Variants in GRPR observed in about 807,000 individuals in gnomAD.
The protein encoded by GRPR is gastrin-releasing peptide receptor.
A neutral mutation model predicts 15.6 loss-of-function variants in GRPR; 4 were observed. That is an observed-to-expected ratio of 0.26 (90% CI 0.13 to 0.59). The LOEUF (loss-of-function observed/expected upper bound fraction) is 0.59. Among genes scored for constraint, GRPR ranks in the 20% least tolerant of loss-of-function variants. GRPR has a pLI of 0.90. For missense variants in GRPR, 270 were observed against 304.1 expected, an observed-to-expected ratio of 0.89 and a Z score of 0.83; for synonymous variants, 128 against 126.8, an observed-to-expected ratio of 1.01 and a Z score of -0.06.
Position 16,152,562 on chromosome X carries a change from A to G in GRPR, c.1072A>G (p.Met358Val). 2 of 1,205,722 alleles carry G rather than the reference A, an allele frequency of 1.7e-6. No individual in the cohort carries two copies. The highest frequency in any genetic ancestry group is 3.0e-5 in the East Asian group (1 of 33,833). Residue 358 changes from methionine (M) to valine (V), a missense_variant, in exon 3 of 3, where the codon ATG becomes GTG. Physicochemically the swap from Met to Val is conservative, Grantham distance 21. Transcript: ENST00000380289. Reference protein sequence around the residue: ...SHSTGRSTTCMTSLKSTNPSV... With the variant: ...SHSTGRSTTCVTSLKSTNPSV... ...CAGCACTGGAAGGAGTACAACCTGC[A>G]TGACCTCCCTCAAGAGTACCAACCC...
chrX:16,124,633 T>C lies in GRPR; in HGVS notation c.413+267T>C, dbSNP rs368014227. 4.2e-4 allele frequency among the ~76,000 whole-genome samples: 47 copies of C among 111,617 alleles called. 1 individual carries two copies. The South Asian group carries it at 0.017, about 41-fold the overall frequency. On this transcript the variant is annotated intron_variant, in intron 1 of 2. Coordinates refer to ENST00000380289, the MANE Select transcript of GRPR (RefSeq NM_005314.3). ...ACTGAGGTGCCTTTTTCTGGAGACA[T>C]ATCTATTTAGCATTGCCTTTTCCTA...
chrX:16,124,699 A>G (rs189503824), intron 1 of GRPR, among the ~76,000 whole-genome samples: 1 of 112,389 alleles, frequency 8.9e-6, no homozygotes, highest in East Asian at 2.8e-4. Flanking sequence ...AGTGAGAAAG[A>G]CAATCACACC....
At chrX:16,125,890 G>A (rs1391461431) in intron 1 of GRPR, among the ~76,000 whole-genome samples, 1 of 111,541 alleles carries the variant, frequency 9.0e-6, no homozygotes, top group African/African-American at 3.3e-5. Context: ...GAAGGGCTGT[G>A]GCTTGTTACC....
At chrX:16,128,932 C>T (rs764945061) in intron 1 of GRPR, among the ~76,000 whole-genome samples, 9 of 112,059 alleles carry the variant, frequency 8.0e-5, no homozygotes, top group South Asian at 3.8e-4. Context: ...AAAGGGTGAG[C>T]GTGGTTTGTG....
At chrX:16,136,124 T>G (rs1922444848) in intron 1 of GRPR, among the ~76,000 whole-genome samples, 1 of 111,897 alleles carries the variant, frequency 8.9e-6, no homozygotes, top group Non-Finnish European at 1.9e-5. Flanking sequence ...CCAGGTCTAG[T>G]CTTGGTTCTC....
At chrX:16,141,666 G>T (rs1228327896) in intron 1 of GRPR, among the ~76,000 whole-genome samples, 5 of 112,546 alleles carry the variant, frequency 4.4e-5, no homozygotes, top group Non-Finnish European at 9.4e-5. Flanking sequence ...CTGGGACAAT[G>T]AACCCCAAAG....
intron 1 of GRPR, among the ~76,000 whole-genome samples, chrX:16,142,418 T>C (rs1922542798): frequency 9.0e-6 from 1 of 111,304 alleles, no homozygotes; most frequent in Admixed American, 9.6e-5. Flanking sequence ...TCTGTGTGTA[T>C]GTTGTTGTGT....
rs184491692 is a variant in GRPR at position 16,145,321 on chromosome X, A to G, written c.414-4984A>G. ...CACAGTGGAGTACTATTCAGCCCTA[A>G]AAAAGAATGAGATCCTGTCATTTGC... On this transcript the variant is annotated intron_variant, in intron 1 of 2. Transcript: ENST00000380289. Among the ~76,000 whole-genome samples the G allele has an allele frequency of 1.7e-4, 19 of 112,402 alleles. No homozygotes were observed. The East Asian group carries it at 3.6e-3, about 21-fold the overall frequency.
At chrX:16,140,904 T>G (rs1164251845) in intron 1 of GRPR, among the ~76,000 whole-genome samples, 2 of 111,949 alleles carry the variant, frequency 1.8e-5, no homozygotes, top group African/African-American at 3.3e-5. Context: ...TAATTTTTCT[T>G]TGTCTTCGTG....
Position 16,153,259 on chromosome X carries a change from T to TAAAA in GRPR, c.*616_*619dup, listed in dbSNP as rs767564828. 5.5e-5 allele frequency: 6 copies of TAAAA among 109,994 alleles called. No homozygotes were observed. The highest frequency in any genetic ancestry group is 2.0e-4 in the African/African-American group (6 of 29,756). The allele number at this position is 109,994 out of a possible 1,213,427, so 9.1% of individuals were successfully genotyped here. Reference sequence around the variant, plus strand: ...ATTCCCTAAGCATTTATTTTTTTTTTAAAAAGATGTTACTGAGGACCTAGA... The same window carrying TAAAA: ...ATTCCCTAAGCATTTATTTTTTTTTTAAAAAAAAAGATGTTACTGAGGACCTAGA... On this transcript the variant is annotated 3_prime_UTR_variant, in exon 3 of 3. Transcript: ENST00000380289.
chrX:16,146,298 G>A, intron 1 of GRPR, among the ~76,000 whole-genome samples: 1 of 111,859 alleles, frequency 8.9e-6, no homozygotes. Context: ...GGGGATGGTA[G>A]TATTGTAAAA....
intron 1 of GRPR, among the ~76,000 whole-genome samples, chrX:16,132,673 G>GA (rs1207466387): frequency 9.0e-6 from 1 of 111,282 alleles, no homozygotes; most frequent in Non-Finnish European, 1.9e-5. Flanking sequence ...TGAGAGATTA[G>GA]AAAAACTTTC....
At chrX:16,133,724 A>C (rs1004741657) in intron 1 of GRPR, among the ~76,000 whole-genome samples, 1 of 111,762 alleles carries the variant, frequency 8.9e-6, no homozygotes, top group African/African-American at 3.2e-5. Flanking sequence ...TGACAGTCAT[A>C]TGTCAGTTTT....
chrX:16,150,766 G>A (rs1236781330), intron 2 of GRPR, 110 bp downstream of exon 2: 1 of 533,079 alleles, frequency 1.9e-6, no homozygotes, highest in African/African-American at 2.3e-5. Flanking sequence ...GATGAGGTGG[G>A]TGATGTGTGG....
intron 1 of GRPR, among the ~76,000 whole-genome samples, chrX:16,146,625 G>A (rs952912456): frequency 2.1e-4 from 24 of 111,632 alleles, no homozygotes; most frequent in African/African-American, 6.8e-4. Flanking sequence ...GGTTTAGATC[G>A]GGTATCTACT....
chrX:16,140,890 C>T (rs1002957428), intron 1 of GRPR, among the ~76,000 whole-genome samples: 4 of 111,626 alleles, frequency 3.6e-5, no homozygotes, highest in African/African-American at 1.3e-4. Context: ...ACCTAGAGCA[C>T]GGTTAATTTT....
At chrX:16,139,384 A>G (rs1922496078) in intron 1 of GRPR, among the ~76,000 whole-genome samples, 1 of 111,167 alleles carries the variant, frequency 9.0e-6, no homozygotes, top group Non-Finnish European at 1.9e-5. Flanking sequence ...CCTGCGGACC[A>G]CCTGCGGCCC....
intron 1 of GRPR, among the ~76,000 whole-genome samples, chrX:16,131,089 A>G (rs895456409): frequency 8.0e-5 from 9 of 112,472 alleles, no homozygotes; most frequent in African/African-American, 2.9e-4. Context: ...CTTAATATGC[A>G]TAGAGGCAAA....
chrX:16,140,549 G>T (rs1328762773), intron 1 of GRPR, among the ~76,000 whole-genome samples: 1 of 111,485 alleles, frequency 9.0e-6, no homozygotes, highest in Non-Finnish European at 1.9e-5. Context: ...GCCAAGGAAA[G>T]GTTTGGGGTA....
Sources: allele counts gnomAD v4.1 joint callset (sites outside exome capture counted in the v4.1 genomes callset), GRCh38; gene constraint gnomAD v4.1.1; transcripts MANE v1.5; gene names NCBI Gene and HGNC (gene_info 2026-07-23, HGNC 2026-07-21).